The following GLI3 variants were observed in gnomAD, a reference collection of about 807,000 sequenced individuals.
The protein encoded by GLI3 is GLI family zinc finger 3, also known as transcription activator GLI3.
GLI3 carries 20 observed loss-of-function variants against 100.8 expected under a neutral mutation model. That is an observed-to-expected ratio of 0.20 (90% CI 0.14 to 0.29). The LOEUF is 0.29. Among genes scored for constraint, GLI3 ranks in the 10% least tolerant of loss-of-function variants. GLI3 has a pLI of 1.00. For missense variants in GLI3, 2,040 were observed against 2,128.5 expected, an observed-to-expected ratio of 0.96 and a Z score of 0.82; for synonymous variants, 938 against 860.5, an observed-to-expected ratio of 1.09 and a Z score of -1.58.
chr7:42,154,756 A>G (rs1359567648), intron 2 of GLI3, among the ~76,000 whole-genome samples: 3 of 152,206 alleles, frequency 2.0e-5, no homozygotes, highest in Non-Finnish European at 4.4e-5. Flanking sequence ...TCCTCTTTCC[A>G]TCTAGATTGC....
At position 42,254,337 on chromosome 7, in the gene GLI3, G is replaced by A. The variant is rs573298783; in HGVS notation, c.-43+9657C>T. Among the ~76,000 whole-genome samples the A allele has an allele frequency of 2.2e-3, 337 of 152,238 alleles. 2 individuals are homozygous for A. Among genetic ancestry groups the A allele is most frequent in the Admixed American group, 4.8e-3 (73 of 15,288 alleles). On this transcript the variant is annotated intron_variant, in intron 1 of 2. Coordinates refer to the GLI3 transcript ENST00000678978. ...AGCATGTGGGCGGAATGCAGGTGAA[G>A]GAGGCCATAGCGAAAGAGTGGCCAA... is the stretch of plus-strand genomic sequence containing the variant.
chr7:42,057,842 T>C (rs1175078725), intron 4 of GLI3, among the ~76,000 whole-genome samples: 1 of 152,138 alleles, frequency 6.6e-6, no homozygotes, highest in East Asian at 1.9e-4. Context: ...TGCAAAGGCA[T>C]ACAGAGTGGT....
At chr7:42,080,623 C>G (rs2128752968) in intron 3 of GLI3, among the ~76,000 whole-genome samples, 1 of 152,316 alleles carries the variant, frequency 6.6e-6, no homozygotes, top group East Asian at 1.9e-4. Context: ...TCTTCCAATT[C>G]AAGACGTGCT....
At chr7:42,233,876 A>C (rs1452550053) in intron 1 of GLI3, among the ~76,000 whole-genome samples, 1 of 152,152 alleles carries the variant, frequency 6.6e-6, no homozygotes, top group Non-Finnish European at 1.5e-5. Flanking sequence ...TTTGTTTAAC[A>C]AACGTGTGTG....
intron 2 of GLI3, among the ~76,000 whole-genome samples, chr7:42,196,633 C>T (rs1490825832): frequency 6.6e-6 from 1 of 152,188 alleles, no homozygotes; most frequent in African/African-American, 2.4e-5. Context: ...CTTAGTTCCA[C>T]CTTATGAACC....
In GLI3 at chr7:41,970,462, C is replaced by T. The variant is rs377200172; in HGVS notation, c.2103+1875G>A. On this transcript the variant is annotated intron_variant, in intron 13 of 14. Transcript: ENST00000395925. Reference sequence around the variant, plus strand: ...CAAAATATGGGCATAGTCTTGATCTCCATGGTTTCTTTTAGTCCTATGGTT... The same window carrying T: ...CAAAATATGGGCATAGTCTTGATCTTCATGGTTTCTTTTAGTCCTATGGTT... Among the ~76,000 whole-genome samples, 13 of 152,174 alleles carry T rather than the reference C, an allele frequency of 8.5e-5. No homozygotes were observed. The East Asian group carries it at 1.6e-3, about 18-fold the overall frequency.
upstream of GLI3, chr7:42,237,927 G>A (rs1234974429): frequency 6.8e-6 from 1 of 147,676 alleles, no homozygotes; most frequent in Non-Finnish European, 1.5e-5. Context: ...GTCGGGGGCT[G>A]GGGGGGAGCC....
intron 7 of GLI3, among the ~76,000 whole-genome samples, chr7:42,026,764 A>C (rs1449015102): frequency 6.6e-6 from 1 of 152,248 alleles, no homozygotes; most frequent in Non-Finnish European, 1.5e-5. Flanking sequence ...TTAGTTCCGT[A>C]TGTTCCTGTG....
chr7:42,072,632 T>C (rs547328179), intron 4 of GLI3, among the ~76,000 whole-genome samples: 1 of 152,314 alleles, frequency 6.6e-6, no homozygotes, highest in South Asian at 2.1e-4. Context: ...TTAGTACTTA[T>C]TTTTAGCCTA....
At chr7:41,980,879 A>G (rs1296466463) in intron 10 of GLI3, among the ~76,000 whole-genome samples, 1 of 152,216 alleles carries the variant, frequency 6.6e-6, no homozygotes, top group African/African-American at 2.4e-5. Context: ...AATTAAGTCT[A>G]CCAGAGGGAA....
intron 10 of GLI3, among the ~76,000 whole-genome samples, chr7:41,991,990 G>C (rs1787999859): frequency 6.6e-6 from 1 of 152,192 alleles, no homozygotes; most frequent in African/African-American, 2.4e-5. Flanking sequence ...TGCAGAGGCA[G>C]CCTGGGGAAA....
rs530390481 is a variant in GLI3, at chr7:42,104,822, C to T, written c.368-27965G>A. Among the ~76,000 whole-genome samples, 14 of 152,262 alleles carry T rather than the reference C, an allele frequency of 9.2e-5. No homozygotes were observed. The East Asian group carries it at 2.3e-3, about 25-fold the overall frequency. On this transcript the variant is annotated intron_variant, in intron 3 of 14. Transcript: ENST00000395925. ...AGAGAACCTATTGGCCGTTCCACCA[C>T]GTGAGGACACAGTGAGAAGAAGGCC...
At chr7:42,042,447 A>G (rs1198220115) in intron 6 of GLI3, among the ~76,000 whole-genome samples, 3 of 152,244 alleles carry the variant, frequency 2.0e-5, no homozygotes, top group African/African-American at 7.2e-5. Context: ...GAGGAAATAC[A>G]TGTCACTTCC....
At chr7:42,248,068 AT>A (rs1788993636) in intron 1 of GLI3, among the ~76,000 whole-genome samples, 1 of 152,226 alleles carries the variant, frequency 6.6e-6, no homozygotes, top group African/African-American at 2.4e-5. Context: ...TGGAAAAGGG[AT>A]TCAATATTCC....
chr7:42,214,141 C>T (rs1020088084), intron 2 of GLI3, among the ~76,000 whole-genome samples: 1 of 152,342 alleles, frequency 6.6e-6, no homozygotes, highest in Non-Finnish European at 1.5e-5. Context: ...TTTTCTCTCA[C>T]ATCTTTCAGT....
At chr7:41,992,859 T>C (rs1325785355) in intron 10 of GLI3, among the ~76,000 whole-genome samples, 1 of 152,056 alleles carries the variant, frequency 6.6e-6, no homozygotes, top group East Asian at 1.9e-4. Flanking sequence ...AGACAGAAAA[T>C]GTCTAGCAAT....
chr7:42,006,702 A>G (rs1353021285), intron 10 of GLI3, among the ~76,000 whole-genome samples: 1 of 152,094 alleles, frequency 6.6e-6, no homozygotes, highest in Non-Finnish European at 1.5e-5. Flanking sequence ...CCAGGGAAAC[A>G]TGGATAACTT....
intron 10 of GLI3, among the ~76,000 whole-genome samples, chr7:41,996,540 G>A (rs778196663): frequency 4.6e-5 from 7 of 152,186 alleles, no homozygotes; most frequent in Non-Finnish European, 8.8e-5. Flanking sequence ...ATATCCCAGA[G>A]AGAGGAAAAC....
intron 3 of GLI3, among the ~76,000 whole-genome samples, chr7:42,078,132 C>G (rs931468174): frequency 2.6e-5 from 4 of 152,184 alleles, no homozygotes; most frequent in African/African-American, 7.2e-5. Flanking sequence ...AGCGTCCCCC[C>G]GCTGAAGTCG....
Sources: gnomAD v4.1 joint callset for allele counts (sites outside exome capture counted in the v4.1 genomes callset) on GRCh38, gnomAD v4.1.1 for gene constraint, MANE v1.5 for transcripts, NCBI Gene and HGNC (gene_info 2026-07-23, HGNC 2026-07-21) for gene names.